The following DLGAP1 variants were observed in gnomAD, a reference collection of about 807,000 sequenced individuals.
DLGAP1 encodes the protein disks large-associated protein 1.
A neutral mutation model predicts 90.8 loss-of-function variants in DLGAP1; 11 were observed. The ratio of observed to expected loss-of-function variants is 0.12; its 90% CI spans 0.08 to 0.20. DLGAP1 has a LOEUF of 0.20. Ranked by LOEUF, DLGAP1 falls within the 10% of genes least tolerant of loss-of-function variation. The pLI is 1.00. For missense variants in DLGAP1, 1,050 were observed against 1,333.8 expected (o/e 0.79, Z 3.31); for synonymous variants, 558 against 540.7 (o/e 1.03, Z -0.44).
intron 1 of DLGAP1, among the ~76,000 whole-genome samples, chr18:4,446,665 G>T (rs927863987): frequency 4.6e-5 from 7 of 151,988 alleles, no homozygotes; most frequent in African/African-American, 7.3e-5. Context: ...ATATCTTATT[G>T]GTACCATAAA....
At chr18:3,808,365 T>C (rs916463027) in intron 5 of DLGAP1, among the ~76,000 whole-genome samples, 1 of 151,876 alleles carries the variant, frequency 6.6e-6, no homozygotes, top group South Asian at 2.1e-4. Context: ...GTTAGAAGTA[T>C]AGAGGATAAT....
intron 6 of DLGAP1, among the ~76,000 whole-genome samples, chr18:3,741,014 C>CCACCACATCA (rs2062907377): frequency 8.2e-6 from 1 of 122,258 alleles, no homozygotes; most frequent in Non-Finnish European, 1.7e-5. Flanking sequence ...ACCACCACCA[C>CCACCACATCA]CATCACCACC....
chr18:3,905,122 C>T (rs1475675515), intron 3 of DLGAP1, among the ~76,000 whole-genome samples: 1 of 151,478 alleles, frequency 6.6e-6, no homozygotes, highest in Non-Finnish European at 1.5e-5. Context: ...AATCCCAGCA[C>T]TTTGGGAGGC....
chr18:3,806,032 G>T (rs559702339), intron 5 of DLGAP1, among the ~76,000 whole-genome samples: 2 of 152,280 alleles, frequency 1.3e-5, no homozygotes. Flanking sequence ...CACCCAGCTT[G>T]CTTCTAAAAA....
At chr18:3,543,505 A>G (rs925703052) in intron 9 of DLGAP1, among the ~76,000 whole-genome samples, 25 of 152,168 alleles carry the variant, frequency 1.6e-4, no homozygotes, top group Admixed American at 5.2e-4. Flanking sequence ...CAAGACCTTC[A>G]AAGCCAGAGA....
At chr18:3,553,596 T>C (rs2053595399) in intron 9 of DLGAP1, among the ~76,000 whole-genome samples, 1 of 152,156 alleles carries the variant, frequency 6.6e-6, no homozygotes, top group African/African-American at 2.4e-5. Flanking sequence ...TGCAATTGCG[T>C]GATCTCAGTT....
At chr18:3,880,208 G>C in intron 3 of DLGAP1, 68 bp from the exon 4 acceptor site, 3 of 780,314 alleles carry the variant, frequency 3.8e-6, no homozygotes, top group Non-Finnish European at 4.2e-6. Context: ...GCACTTTACA[G>C]GGTCTTGCTC....
At chr18:4,429,233 A>G (rs1003243689) in intron 1 of DLGAP1, among the ~76,000 whole-genome samples, 3 of 152,224 alleles carry the variant, frequency 2.0e-5, no homozygotes, top group African/African-American at 7.2e-5. Flanking sequence ...AATAACTATC[A>G]ATAAATTGAA....
intron 9 of DLGAP1, among the ~76,000 whole-genome samples, chr18:3,561,268 A>AC (rs1260069241): frequency 2.6e-5 from 2 of 78,208 alleles, no homozygotes; most frequent in Non-Finnish European, 4.1e-5. Flanking sequence ...AAAAAAAACA[A>AC]AAAAAAAAAA....
chr18:4,226,394 T>C lies in DLGAP1; in HGVS notation c.-266-75107A>G, dbSNP rs148055994. ...ACGGTAAATGCACAGGAAAACAAAA[T>C]ATAATAACATTGTAACTGTGGTGGG... On this transcript the variant is annotated intron_variant, in intron 1 of 12. Transcript: ENST00000315677. Among the ~76,000 whole-genome samples the C allele has an allele frequency of 2.0e-5, 3 of 152,100 alleles. No homozygotes were observed. In the East Asian group the frequency reaches 5.8e-4, roughly 29 times the overall value.
At chr18:4,205,887 AAAG>A (rs2077710884) in intron 1 of DLGAP1, among the ~76,000 whole-genome samples, 1 of 152,204 alleles carries the variant, frequency 6.6e-6, no homozygotes, top group African/African-American at 2.4e-5. Context: ...GTGCTTGATG[AAAG>A]AAGTAACTCA....
At chr18:3,931,723 G>T (rs1431132717) in intron 3 of DLGAP1, among the ~76,000 whole-genome samples, 1 of 152,070 alleles carries the variant, frequency 6.6e-6, no homozygotes, top group Non-Finnish European at 1.5e-5. Context: ...AACCTGAATG[G>T]CCCTTTAGCG....
intron 1 of DLGAP1, among the ~76,000 whole-genome samples, chr18:4,228,871 G>A (rs959633355): frequency 2.6e-5 from 4 of 151,748 alleles, no homozygotes; most frequent in African/African-American, 9.7e-5. Context: ...TTAAAAAAAG[G>A]GCATCCAAAC....
chr18:3,928,084 C>A (rs1482349789), intron 3 of DLGAP1, among the ~76,000 whole-genome samples: 3 of 152,210 alleles, frequency 2.0e-5, no homozygotes. Context: ...TCACATTCCT[C>A]CGCTCGCCAT....
At chr18:3,936,425 A>G (rs751337037) in intron 3 of DLGAP1, among the ~76,000 whole-genome samples, 1 of 152,112 alleles carries the variant, frequency 6.6e-6, no homozygotes, top group Non-Finnish European at 1.5e-5. Context: ...CTGTACCTTT[A>G]CATTTTCATT....
At chr18:3,625,368 G>C (rs544041656) in intron 7 of DLGAP1, among the ~76,000 whole-genome samples, 1 of 152,310 alleles carries the variant, frequency 6.6e-6, no homozygotes, top group African/African-American at 2.4e-5. Context: ...GGGAAGGAGA[G>C]ACCTCCTCAG....
intron 2 of DLGAP1, among the ~76,000 whole-genome samples, chr18:4,044,567 C>T (rs973253475): frequency 6.6e-6 from 1 of 151,996 alleles, no homozygotes; most frequent in Non-Finnish European, 1.5e-5. Flanking sequence ...ATGGTGAAAC[C>T]CTGTCTCTAC....
intron 3 of DLGAP1, among the ~76,000 whole-genome samples, chr18:3,947,853 C>T (rs2148959535): frequency 6.6e-6 from 1 of 152,204 alleles, no homozygotes; most frequent in African/African-American, 2.4e-5. Flanking sequence ...GAGATCAGGG[C>T]CTCAAAGGCA....
chr18:3,796,388 T>TACA (rs1419472109), intron 5 of DLGAP1, among the ~76,000 whole-genome samples: 2 of 152,226 alleles, frequency 1.3e-5, no homozygotes, highest in Non-Finnish European at 2.9e-5. Context: ...TTCTCCGGTA[T>TACA]ACAAAGGGGC....
Sources: gnomAD v4.1 joint callset for allele counts (sites outside exome capture counted in the v4.1 genomes callset) on GRCh38, gnomAD v4.1.1 for gene constraint, MANE v1.5 for transcripts, NCBI Gene and HGNC (gene_info 2026-07-23, HGNC 2026-07-21) for gene names.